The following ZBBX variants were observed in gnomAD, a reference collection of about 807,000 sequenced individuals.
The protein encoded by ZBBX is zinc finger B-box domain-containing protein 1.
A neutral mutation model predicts 108.5 loss-of-function variants in ZBBX; 101 were observed. The observed-to-expected ratio is 0.93, with a 90% CI of 0.79 to 1.10. The LOEUF is 1.10. ZBBX is among the 50% of genes least tolerant of loss of function. The pLI is 0.00. For missense variants in ZBBX, 1,009 were observed against 941.4 expected, an observed-to-expected ratio of 1.07 and a Z score of -0.94; for synonymous variants, 356 against 323.4, an observed-to-expected ratio of 1.10 and a Z score of -1.08.
the ZBBX span, among the ~76,000 whole-genome samples, chr3:167,183,726 A>T: frequency 6.6e-6 from 1 of 152,322 alleles, no homozygotes; most frequent in East Asian, 1.9e-4. Flanking sequence ...GTTCAGGAAC[A>T]CCTTAAGCAG....
At chr3:167,317,750 A>G (rs1735701220) in intron 12 of ZBBX, among the ~76,000 whole-genome samples, 153 bp from the exon 13 acceptor site, 2 of 152,062 alleles carry the variant, frequency 1.3e-5, no homozygotes, top group Admixed American at 1.3e-4. Context: ...GTACAATTGT[A>G]TAACAGAATC....
rs1731577476 is a variant in ZBBX at position 167,295,754 on chromosome 3, TATATA to T, written c.1879+2546_1879+2550del. On this transcript the variant is annotated intron_variant, in intron 18 of 21. Coordinates refer to ENST00000675490, the MANE Select transcript of ZBBX (RefSeq NM_001199201.2). ...ATATATATATATATATATATATATA[TATATA>T]AAAAAAACTAGTAAGGAGATTAAAT... Among the ~76,000 whole-genome samples the T allele has an allele frequency of 1.4e-4, 2 of 14,612 alleles. 1 individual carries two copies. The highest frequency in any genetic ancestry group is 2.3e-4 in the Non-Finnish European group (2 of 8,714). 9.6% of individuals were successfully genotyped at this position (14,612 alleles called of 152,430 possible).
intron 8 of ZBBX, among the ~76,000 whole-genome samples, chr3:167,354,146 G>A (rs1743141395): frequency 6.6e-6 from 1 of 151,862 alleles, no homozygotes; most frequent in Non-Finnish European, 1.5e-5. Flanking sequence ...ATAATAAATT[G>A]TTGAATATCT....
chr3:167,360,306 T>C (rs1259985180), intron 7 of ZBBX, among the ~76,000 whole-genome samples: 1 of 151,070 alleles, frequency 6.6e-6, no homozygotes, highest in African/African-American at 2.4e-5. Flanking sequence ...AAATAATTTA[T>C]TAAAATATAA....
At chr3:167,245,011 A>G (rs1055100613) in intron 20 of ZBBX, among the ~76,000 whole-genome samples, 1 of 152,254 alleles carries the variant, frequency 6.6e-6, no homozygotes, top group Non-Finnish European at 1.5e-5. Flanking sequence ...AAGAAATATA[A>G]AAACTTCAAA....
chr3:167,207,701 T>G, the ZBBX span, among the ~76,000 whole-genome samples: 1 of 152,188 alleles, frequency 6.6e-6, no homozygotes, highest in Admixed American at 6.5e-5. Context: ...GCTAAAAAAT[T>G]TAATCTCATA....
chr3:167,322,532 T>A (rs1411438441), intron 11 of ZBBX, among the ~76,000 whole-genome samples: 1 of 152,054 alleles, frequency 6.6e-6, no homozygotes. Context: ...AAACATTCAT[T>A]GTACATTGTA....
the ZBBX span, among the ~76,000 whole-genome samples, chr3:167,188,502 ATAT>A: frequency 6.6e-6 from 1 of 152,166 alleles, no homozygotes; most frequent in Non-Finnish European, 1.5e-5. Context: ...GGATAAATAA[ATAT>A]TATAAATTTG....
At chr3:167,386,469 C>T (rs755645326) in intron 1 of ZBBX, among the ~76,000 whole-genome samples, 1 of 151,878 alleles carries the variant, frequency 6.6e-6, no homozygotes, top group Non-Finnish European at 1.5e-5. Context: ...AGCAGTAGAG[C>T]GTTGATCTGT....
At chr3:167,328,949 C>A (rs1269762228) in intron 10 of ZBBX, among the ~76,000 whole-genome samples, 1 of 152,110 alleles carries the variant, frequency 6.6e-6, no homozygotes, top group African/African-American at 2.4e-5. Flanking sequence ...TTATTTATTG[C>A]CTGTCCTTCC....
chr3:167,348,141 T>C (rs1453892748), intron 9 of ZBBX, among the ~76,000 whole-genome samples: 1 of 148,630 alleles, frequency 6.7e-6, no homozygotes, highest in Non-Finnish European at 1.5e-5. Flanking sequence ...GTATCTTAAG[T>C]GTTCTTACCA....
At chr3:167,267,812 A>C (rs1244191463) in intron 20 of ZBBX, among the ~76,000 whole-genome samples, 1 of 152,134 alleles carries the variant, frequency 6.6e-6, no homozygotes, top group African/African-American at 2.4e-5. Flanking sequence ...AGACTCAAAA[A>C]ACCTGGTTTC....
the ZBBX span, among the ~76,000 whole-genome samples, chr3:167,218,941 T>G: frequency 6.6e-6 from 1 of 151,836 alleles, no homozygotes; most frequent in South Asian, 2.1e-4. Context: ...GAGAAAGATA[T>G]TACATACAAA....
intron 5 of ZBBX, chr3:167,366,954 A>ATGTT: frequency 4.4e-6 from 2 of 455,830 alleles, no homozygotes; most frequent in South Asian, 3.1e-5. Flanking sequence ...AGATGCTCTG[A>ATGTT]TTAAACCAAT....
chr3:167,319,566 G>T (rs1212558580), intron 12 of ZBBX, among the ~76,000 whole-genome samples: 1 of 151,926 alleles, frequency 6.6e-6, no homozygotes, highest in Non-Finnish European at 1.5e-5. Flanking sequence ...CTTAAAGGAG[G>T]TAAGAAATAA....
chr3:167,330,945 T>TTCTCTCTCTCTCTCTC (rs151154237), intron 10 of ZBBX, among the ~76,000 whole-genome samples: 1,101 of 87,138 alleles, frequency 0.013, 70 homozygotes, highest in African/African-American at 0.042. Context: ...CTCTCTTTCT[T>TTCTCTCTCTCTCTCTC]TCTCTCTCTC....
intron 1 of ZBBX, among the ~76,000 whole-genome samples, chr3:167,401,084 C>T (rs1002947801): frequency 6.6e-6 from 1 of 152,030 alleles, no homozygotes; most frequent in Non-Finnish European, 1.5e-5. Context: ...AAAATGTGGT[C>T]CTTGGACTCA....
In ZBBX at chr3:167,298,319, C is replaced by A; in HGVS notation, c.1865G>T (p.Arg622Met). 1.3e-6 allele frequency: 2 copies of A among 1,593,562 alleles called. No homozygotes were observed. The highest frequency in any genetic ancestry group is 1.2e-5 in the South Asian group (1 of 85,590). The part of the protein sequence containing the change: ...HRLECNNSST[R>M]ITLAEDREWI... ...TAGAAATTTACCTGCAAGTGTAATC[C>A]TAGTACTGGAATTGTTGCATTCTAA... Residue 622 changes from arginine to methionine, a missense_variant, in exon 18 of 22, where the codon AGG (arginine) becomes ATG (methionine). By Grantham distance (91) the Arg-to-Met change is moderately conservative. Transcript: ENST00000675490.
chr3:167,217,232 G>A, the ZBBX span, among the ~76,000 whole-genome samples: 1 of 152,072 alleles, frequency 6.6e-6, no homozygotes, highest in East Asian at 1.9e-4. Flanking sequence ...ATCTGATAGA[G>A]GTCTAATATT....
Sources: gnomAD v4.1 joint callset for allele counts (sites outside exome capture counted in the v4.1 genomes callset) on GRCh38, gnomAD v4.1.1 for gene constraint, MANE v1.5 for transcripts, NCBI Gene and HGNC (gene_info 2026-07-23, HGNC 2026-07-21) for gene names.